The following DRP2 variants were observed in gnomAD, a reference collection of about 807,000 sequenced individuals.
DRP2 encodes dystrophin related protein 2.
DRP2 carries 29 observed loss-of-function variants against 78.2 expected under a neutral mutation model. That is an observed-to-expected ratio of 0.37 (90% CI 0.28 to 0.51). The LOEUF is 0.51. Ranked by LOEUF, DRP2 falls within the 20% of genes least tolerant of loss-of-function variation. DRP2 has a pLI of 0.94. For synonymous variants in DRP2, 290 were observed against 281.9 expected (o/e 1.03, Z -0.29); for missense variants, 686 against 770.6 (o/e 0.89, Z 1.30).
chrX:101,263,294 T>G lies in DRP2; in HGVS notation c.*2673T>G, dbSNP rs759592088. On this transcript the variant is annotated 3_prime_UTR_variant, in exon 24 of 24. Transcript: ENST00000395209. Reference sequence around the variant, plus strand: ...TTAGACATCTTGTTGTGTATTAGTCTTCTAAGGATATTGTGCATGGCACTG... The same window carrying G: ...TTAGACATCTTGTTGTGTATTAGTCGTCTAAGGATATTGTGCATGGCACTG... The G allele has an allele frequency of 5.6e-4, 63 of 112,283 alleles. No individual in the cohort carries two copies. The highest frequency in any genetic ancestry group is 2.0e-3 in the African/African-American group (61 of 30,927). 9.3% of individuals were successfully genotyped at this position (112,283 alleles called of 1,213,427 possible).
chrX:101,242,446 T>C lies in DRP2; in HGVS notation c.950T>C (p.Ile317Thr). Residue 317 changes from isoleucine (I) to threonine (T), a missense_variant, in exon 8 of 24, where the codon ATC becomes ACC. Transcript: ENST00000395209. ...GAGAATTCCCAGGCCCTGGAACAGA[T>C]CAACGTCCGATGGAAACAACTACAG... ...SMENSQALEQ[I>T]NVRWKQLQAS... 1 of 1,210,053 alleles carries C rather than the reference T, an allele frequency of 8.3e-7. No individual in the cohort carries two copies. Among genetic ancestry groups the C allele is most frequent in the African/African-American group, 1.7e-5 (1 of 57,585 alleles).
chrX:101,244,016 G>A (rs1178460873), intron 9 of DRP2, among the ~76,000 whole-genome samples: 1 of 111,831 alleles, frequency 8.9e-6, no homozygotes, highest in African/African-American at 3.3e-5. Context: ...GCAAAGTGTG[G>A]GGGAGTAGGG....
At chrX:101,227,413 A>T (rs764771253) in intron 2 of DRP2, among the ~76,000 whole-genome samples, 7 of 111,672 alleles carry the variant, frequency 6.3e-5, no homozygotes, top group Admixed American at 5.7e-4. Context: ...TTGAGATAGG[A>T]TGGAGCTAGA....
At chrX:101,224,191 G>GTTTTGTTTTT (rs1922007763) in intron 1 of DRP2, among the ~76,000 whole-genome samples, 6 of 38,881 alleles carry the variant, frequency 1.5e-4, no homozygotes, top group East Asian at 1.0e-3. Flanking sequence ...GGTTTTTTTT[G>GTTTTGTTTTT]TTTTTTTTTT....
chrX:101,254,365 A>G, intron 17 of DRP2, 60 bp from the exon 18 acceptor site: 1 of 1,193,946 alleles, frequency 8.4e-7, no homozygotes, highest in Non-Finnish European at 1.1e-6. Flanking sequence ...GAGCAGCCAC[A>G]CCTGCCCAGT....
chrX:101,258,749 C>T (rs888566771), intron 22 of DRP2, among the ~76,000 whole-genome samples: 2 of 111,210 alleles, frequency 1.8e-5, no homozygotes, highest in Admixed American at 9.6e-5. Flanking sequence ...TCAGCCAACT[C>T]TCTTCCACCT....
intron 3 of DRP2, among the ~76,000 whole-genome samples, chrX:101,234,518 C>T (rs1406929634): frequency 1.8e-5 from 2 of 112,850 alleles, no homozygotes; most frequent in Non-Finnish European, 3.8e-5. Context: ...AGGGTGACCC[C>T]TGCCTCCTGG....
At chrX:101,242,847 G>T (rs1922781612) in intron 8 of DRP2, 57 bp from the exon 9 acceptor site, 2 of 1,094,145 alleles carry the variant, frequency 1.8e-6, no homozygotes, top group South Asian at 3.8e-5. Flanking sequence ...GGCACCTGGG[G>T]ATCCCACTCT....
At chrX:101,245,925 G>GA (rs1053401027) in intron 11 of DRP2, among the ~76,000 whole-genome samples, 1 of 111,881 alleles carries the variant, frequency 8.9e-6, no homozygotes, top group African/African-American at 3.2e-5. Flanking sequence ...TGTTCTTACA[G>GA]AAAAAAACAA....
intron 22 of DRP2, among the ~76,000 whole-genome samples, chrX:101,259,522 G>C (rs1923467974): frequency 9.0e-6 from 1 of 111,413 alleles, no homozygotes. Context: ...TTTCAAGACA[G>C]AGTTTGGCTC....
intron 16 of DRP2, among the ~76,000 whole-genome samples, chrX:101,252,357 A>C (rs1923168631): frequency 8.9e-6 from 1 of 111,822 alleles, no homozygotes; most frequent in African/African-American, 3.3e-5. Flanking sequence ...GTGGTGAGAC[A>C]ATGCTATTTC....
In DRP2 at chrX:101,236,353, C is replaced by T. The variant is rs192962217; in HGVS notation, c.281+330C>T. Among the ~76,000 whole-genome samples, 7 of 112,258 alleles carry T rather than the reference C, an allele frequency of 6.2e-5. No individual in the cohort carries two copies. In the East Asian group the frequency reaches 2.0e-3, roughly 31 times the overall value. On this transcript the variant is annotated intron_variant, in intron 4 of 23. Coordinates refer to ENST00000395209, the MANE Select transcript of DRP2 (RefSeq NM_001939.3). Reference sequence around the variant, plus strand: ...ACAGTGTGGTCATAGGAATTCAAATCAGATGTGGAAATGCTTTCTAAACTT... The same window carrying T: ...ACAGTGTGGTCATAGGAATTCAAATTAGATGTGGAAATGCTTTCTAAACTT...
At chrX:101,230,051 T>C in intron 2 of DRP2, among the ~76,000 whole-genome samples, 1 of 112,226 alleles carries the variant, frequency 8.9e-6, no homozygotes. Context: ...CTCCTTCTCC[T>C]CCCTTACTGT....
intron 2 of DRP2, among the ~76,000 whole-genome samples, chrX:101,226,543 C>A (rs766614187): frequency 4.5e-5 from 5 of 111,605 alleles, no homozygotes; most frequent in African/African-American, 1.6e-4. Context: ...TATCTCTGCT[C>A]AAGAGAAACA....
At chrX:101,236,305 A>G (rs1922504188) in intron 4 of DRP2, among the ~76,000 whole-genome samples, 1 of 112,265 alleles carries the variant, frequency 8.9e-6, no homozygotes, top group Non-Finnish European at 1.9e-5. Context: ...GAGTGGAGGA[A>G]TAATACCTGT....
At chrX:101,250,329 C>T (rs960980342) in intron 14 of DRP2, 94 bp from the exon 15 acceptor site, 1 of 1,130,288 alleles carries the variant, frequency 8.8e-7, no homozygotes, top group Non-Finnish European at 1.2e-6. Context: ...TCAGTCTGTG[C>T]TCTTTCCCTA....
chrX:101,223,466 A>G (rs1410654693), intron 1 of DRP2, among the ~76,000 whole-genome samples: 4 of 111,805 alleles, frequency 3.6e-5, no homozygotes, highest in Admixed American at 1.9e-4. Flanking sequence ...TCTAGTTTTG[A>G]GCAATCACAG....
In DRP2 at chrX:101,238,915, C is replaced by T; in HGVS notation, c.439-66C>T. On this transcript the variant is annotated intron_variant, in intron 5 of 23. Coordinates refer to ENST00000395209, the MANE Select transcript of DRP2 (RefSeq NM_001939.3). ...TGAGAAGAAGAAAGGTTGTCAATTG[C>T]AGGATGGAATGTAAAGTGATTGAAA... 2.6e-6 allele frequency: 3 copies of T among 1,151,622 alleles called. No homozygotes were observed. In the Admixed American group the frequency reaches 7.1e-5, roughly 27 times the overall value. The allele number at this position is 1,151,622 out of a possible 1,213,427, so 94.9% of individuals were successfully genotyped here. A position where few individuals can be genotyped will look rare whatever the true frequency, so the allele number is the denominator to read the frequency against.
intron 2 of DRP2, among the ~76,000 whole-genome samples, chrX:101,228,860 C>T (rs779033521): frequency 9.0e-6 from 1 of 110,573 alleles, no homozygotes; most frequent in East Asian, 2.8e-4. Context: ...GCCAAGATCA[C>T]GCCAGTGCAC....
Sources: allele counts gnomAD v4.1 joint callset (sites outside exome capture counted in the v4.1 genomes callset), GRCh38; gene constraint gnomAD v4.1.1; transcripts MANE v1.5; gene names NCBI Gene and HGNC (gene_info 2026-07-23, HGNC 2026-07-21).